The following EDEM3 variants were observed in gnomAD, a reference collection of about 807,000 sequenced individuals.
The protein encoded by EDEM3 is ER degradation-enhancing alpha-mannosidase-like protein 3.
Under a neutral mutation model 110.2 loss-of-function variants are expected in EDEM3, and 60 were observed. The ratio of observed to expected loss-of-function variants is 0.54; its 90% CI spans 0.44 to 0.67. The LOEUF (loss-of-function observed/expected upper bound fraction) is 0.67, where lower values mean the gene tolerates loss of function less well. EDEM3 is among the 30% of genes least tolerant of loss of function. EDEM3 has a pLI of 0.00. For missense variants in EDEM3, 996 were observed against 1,121.0 expected, an observed-to-expected ratio of 0.89 and a Z score of 1.59; for synonymous variants, 352 against 382.9, an observed-to-expected ratio of 0.92 and a Z score of 0.94.
rs1418464476 is a variant in EDEM3 at position 184,734,589 on chromosome 1, C to T, written c.400G>A (p.Val134Ile). 4 of 1,557,888 alleles carry T rather than the reference C, an allele frequency of 2.6e-6. No individual in the cohort carries two copies. Among genetic ancestry groups the T allele is most frequent in the Non-Finnish European group, 3.5e-6 (4 of 1,150,426 alleles). ...ACGACTACATCGTTATCTAAATTAA[C>T]ATCTCTTAAAACTTTTCTCACTGCA... The part of the protein sequence containing the change: ...EDAVRKVLRD[V>I]NLDNDVVVSV... The change falls in exon 5 of 20, where the codon GTT becomes ATT. Residue 134 changes from valine to isoleucine, a missense_variant. Val to Ile is a conservative substitution (Grantham distance 29, BLOSUM62 3). Around this residue, in one of 5 missense-constraint regions of EDEM3, gnomAD observed 200 missense variants for 183.8 expected, o/e 1.09. Coordinates refer to ENST00000318130, the MANE Select transcript of EDEM3 (RefSeq NM_025191.4).
At chr1:184,733,852 G>A (rs571953127) in intron 5 of EDEM3, among the ~76,000 whole-genome samples, 41 of 149,478 alleles carry the variant, frequency 2.7e-4, no homozygotes, top group African/African-American at 8.6e-4. Flanking sequence ...AGGCCCAAGA[G>A]CATTTCAAAC....
intron 8 of EDEM3, among the ~76,000 whole-genome samples, chr1:184,723,165 A>AGTC (rs1174650824): frequency 6.6e-5 from 10 of 152,020 alleles, no homozygotes; most frequent in African/African-American, 2.2e-4. Flanking sequence ...ACATCTCGTT[A>AGTC]CTGGGCACTT....
chr1:184,702,841 C>G lies in EDEM3; in HGVS notation c.2359G>C (p.Val787Leu). Residue 787 changes from valine to leucine, a missense_variant, in exon 19 of 20, where the codon GTG (valine) becomes CTG (leucine). Val to Leu is a conservative substitution (Grantham distance 32, BLOSUM62 1). Coordinates refer to ENST00000318130, the MANE Select transcript of EDEM3 (RefSeq NM_025191.4). ...TCTTTTGCTTTATCAGAGAGGAGCACTTCTACCTCCTCATATTCCCGGATG... is the reference window on the plus strand; with the variant it reads ...TCTTTTGCTTTATCAGAGAGGAGCAGTTCTACCTCCTCATATTCCCGGATG... The part of the protein sequence containing the change: ...DAIREYEEVE[V>L]LLSDKAKDRD... 6.2e-7 allele frequency: 1 copy of G among 1,610,672 alleles called. No homozygotes were observed. The highest frequency in any genetic ancestry group is 8.5e-7 in the Non-Finnish European group (1 of 1,178,704).
rs989596016 is a variant in EDEM3 at position 184,708,242 on chromosome 1, C to A, written c.1948G>T (p.Val650Leu). Residue 650 changes from valine to leucine, a missense_variant, in exon 17 of 20, where the codon GTA becomes TTA. Transcript: ENST00000318130. ...QKEQQLPPRA[V>L]QIVSHPFFGR... ...AAAAATGGGTGGGAAACAATTTGTA[C>A]AGCTCGTGGAGGCAGCTGCTGTTCT... The A allele has an allele frequency of 1.3e-5, 21 of 1,613,614 alleles. No homozygotes were observed. Among genetic ancestry groups the A allele is most frequent in the Non-Finnish European group, 1.6e-5 (19 of 1,179,888 alleles).
At chr1:184,724,031 C>T (rs775357394) in intron 7 of EDEM3, among the ~76,000 whole-genome samples, 175 bp from the exon 8 acceptor site, 1 of 151,964 alleles carries the variant, frequency 6.6e-6, no homozygotes, top group Non-Finnish European at 1.5e-5. Flanking sequence ...CAAAGCTTGG[C>T]TCTTTTTCAA....
At chr1:184,706,838 T>C in intron 17 of EDEM3, 30 bp from the exon 18 acceptor site, 1 of 1,604,872 alleles carries the variant, frequency 6.2e-7, no homozygotes, top group Non-Finnish European at 8.5e-7. Context: ...CTTAAATACT[T>C]TAATCTTCTC....
intron 5 of EDEM3, among the ~76,000 whole-genome samples, chr1:184,733,555 C>T (rs906518989): frequency 1.4e-4 from 21 of 152,130 alleles, no homozygotes; most frequent in East Asian, 1.9e-4. Flanking sequence ...CCTGGCCAGG[C>T]GCAGTGGCTC....
chr1:184,712,633 TA>T, intron 13 of EDEM3, 35 bp from the exon 14 acceptor site: 2 of 1,379,762 alleles, frequency 1.4e-6, no homozygotes, highest in Non-Finnish European at 2.0e-6. Context: ...TATAAGTAGA[TA>T]AAAATAATTT....
intron 2 of EDEM3, among the ~76,000 whole-genome samples, chr1:184,741,957 T>C (rs1652167315): frequency 1.3e-4 from 20 of 152,222 alleles, no homozygotes; most frequent in Admixed American, 1.3e-3. Context: ...TTTTGTATCT[T>C]GTATATGACT....
rs1439798811 is a variant in EDEM3 at position 184,721,288 on chromosome 1, C to G, written c.951+1G>C. 6.3e-7 allele frequency: 1 copy of G among 1,592,442 alleles called. No individual in the cohort carries two copies. On this transcript the variant is annotated splice_donor_variant, in intron 9 of 19. Coordinates refer to ENST00000318130, the MANE Select transcript of EDEM3 (RefSeq NM_025191.4). LOFTEE classifies it high-confidence loss of function. ...TAAAATATAAAATTGTATCAACTTA[C>G]TGTGTTAAATCTTTCCAGAAAACTG...
In EDEM3 at chr1:184,747,203, A is replaced by C. The variant is rs552777235; in HGVS notation, c.204+2344T>G. 2.6e-5 allele frequency among the ~76,000 whole-genome samples: 4 copies of C among 152,304 alleles called. No homozygotes were observed. In the South Asian group the frequency reaches 6.2e-4, roughly 24 times the overall value. On this transcript the variant is annotated intron_variant, in intron 2 of 19. Coordinates refer to ENST00000318130, the MANE Select transcript of EDEM3 (RefSeq NM_025191.4). Reference sequence around the variant, plus strand: ...TCTATAGTCTACAATAACTCTTTGCAATTATTCTCATTTTACATAGAAAGA... The same window carrying C: ...TCTATAGTCTACAATAACTCTTTGCCATTATTCTCATTTTACATAGAAAGA...
chr1:184,694,586 T>C, intron 19 of EDEM3, 114 bp from the exon 20 acceptor site: 2 of 1,006,540 alleles, frequency 2.0e-6, no homozygotes, highest in Admixed American at 2.9e-5. Flanking sequence ...AAGAGACTCA[T>C]GTTAATGCAG....
chr1:184,749,575 A>C lies in EDEM3; in HGVS notation c.176T>G (p.Met59Arg), dbSNP rs975006592. 6.4e-7 allele frequency: 1 copy of C among 1,568,666 alleles called. No individual in the cohort carries two copies. Among genetic ancestry groups the C allele is most frequent in the Non-Finnish European group, 8.6e-7 (1 of 1,156,316 alleles). Reference sequence around the variant, plus strand: ...ATAGTTACCATAAGCATGATCAAACATTTCCAGTACTTGATTCCTAATTTT... The same window carrying C: ...ATAGTTACCATAAGCATGATCAAACCTTTCCAGTACTTGATTCCTAATTTT... ...KQKLGNQVLE[M>R]FDHAYGNYME... The change falls in exon 2 of 20, where the codon ATG (methionine) becomes AGG (arginine). Residue 59 changes from methionine to arginine, a missense_variant. By Grantham distance (91) the Met-to-Arg change is moderately conservative. Transcript: ENST00000318130.
rs1015479440 is a variant in EDEM3 at position 184,690,567 on chromosome 1, T to C, written c.*3496A>G. 6.6e-6 allele frequency: 1 copy of C among 152,610 alleles called. No individual in the cohort carries two copies. The highest frequency in any genetic ancestry group is 1.5e-5 in the Non-Finnish European group (1 of 68,012). 9.5% of individuals were successfully genotyped at this position (152,610 alleles called of 1,614,324 possible). A position where few individuals can be genotyped will look rare whatever the true frequency, so the allele number is the denominator to read the frequency against. The stretch of plus-strand genomic sequence containing the variant: ...AATTATAATCAAATACATAATTATA[T>C]ACAGGATTATATACATTTTGCCCAG... On this transcript the variant is annotated 3_prime_UTR_variant, in exon 20 of 20. Coordinates refer to ENST00000318130, the MANE Select transcript of EDEM3 (RefSeq NM_025191.4).
intron 5 of EDEM3, among the ~76,000 whole-genome samples, chr1:184,734,297 C>T (rs1375174056): frequency 1.3e-5 from 2 of 151,868 alleles, no homozygotes; most frequent in East Asian, 1.9e-4. Flanking sequence ...GGTGAAACCC[C>T]GTCTCTATTA....
intron 11 of EDEM3, 101 bp downstream of exon 11, chr1:184,719,061 A>G: frequency 3.3e-6 from 2 of 597,264 alleles, no homozygotes; most frequent in Non-Finnish European, 2.7e-6. Flanking sequence ...TGAAGATGAC[A>G]TTTTCTACCT....
rs1651596487 is a variant in EDEM3, at chr1:184,732,761, G to A, written c.612+76C>T. On this transcript the variant is annotated intron_variant, in intron 6 of 19. Coordinates refer to ENST00000318130, the MANE Select transcript of EDEM3 (RefSeq NM_025191.4). ...AGCCTCAAGCTGGTGAAGAACAATG[G>A]CTCTGATCACAAAACTTCATTTTGT... 1.7e-5 allele frequency: 24 copies of A among 1,430,098 alleles called. No individual in the cohort carries two copies. The South Asian group carries it at 3.3e-4, about 20-fold the overall frequency. The allele number at this position is 1,430,098 out of a possible 1,614,324, so 88.6% of individuals were successfully genotyped here.
At chr1:184,707,348 G>A (rs916515255) in intron 17 of EDEM3, among the ~76,000 whole-genome samples, 5 of 152,008 alleles carry the variant, frequency 3.3e-5, no homozygotes, top group East Asian at 1.9e-4. Flanking sequence ...TTTTAAACAC[G>A]TTACTATAAA....
chr1:184,732,480 T>C lies in EDEM3; in HGVS notation c.612+357A>G, dbSNP rs186766084. Among the ~76,000 whole-genome samples, 435 of 152,314 alleles carry C rather than the reference T, an allele frequency of 2.9e-3. 5 individuals are homozygous for C. In the East Asian group the frequency reaches 0.036, roughly 13 times the overall value. On this transcript the variant is annotated intron_variant, in intron 6 of 19. Coordinates refer to ENST00000318130, the MANE Select transcript of EDEM3 (RefSeq NM_025191.4). The stretch of plus-strand genomic sequence containing the variant: ...ACTAAAAGAGTATAATTGGAATGTT[T>C]GTAACACAAAGAAATGATAAATGCT...
Sources: allele counts gnomAD v4.1 joint callset (sites outside exome capture counted in the v4.1 genomes callset), GRCh38; gene constraint gnomAD v4.1.1; regional missense constraint gnomAD v4.1.1; transcripts MANE v1.5; gene names NCBI Gene and HGNC (gene_info 2026-07-23, HGNC 2026-07-21).